The following ADAM23 variants were observed in gnomAD, a reference collection of about 807,000 sequenced individuals.
The protein encoded by ADAM23 is ADAM metallopeptidase domain 23.
ADAM23 carries 33 observed loss-of-function variants against 120.1 expected under a neutral mutation model. The observed-to-expected ratio is 0.27, with a 90% CI of 0.21 to 0.37. The LOEUF (loss-of-function observed/expected upper bound fraction) is 0.37, where lower values mean the gene tolerates loss of function less well. ADAM23 is among the 10% of genes least tolerant of loss of function. ADAM23 has a pLI of 1.00. For missense variants in ADAM23, 862 were observed against 1,058.2 expected (o/e 0.81, Z 2.57); for synonymous variants, 367 against 375.2 (o/e 0.98, Z 0.25).
chr2:206,563,589 C>T (rs1272738984), intron 13 of ADAM23, among the ~76,000 whole-genome samples: 2 of 152,040 alleles, frequency 1.3e-5, no homozygotes, highest in African/African-American at 2.4e-5. Flanking sequence ...AGGTTTATGC[C>T]CTTGTTTAGA....
intron 2 of ADAM23, among the ~76,000 whole-genome samples, chr2:206,460,521 A>G (rs1359484519): frequency 2.0e-5 from 3 of 152,014 alleles, no homozygotes; most frequent in Admixed American, 6.6e-5. Context: ...GGCCATTTTT[A>G]CATTTTATTT....
intron 3 of ADAM23, among the ~76,000 whole-genome samples, chr2:206,483,122 A>T (rs557204388): frequency 6.6e-6 from 1 of 152,334 alleles, no homozygotes; most frequent in South Asian, 2.1e-4. Context: ...GTTCTCAGGA[A>T]GTGCTAAGAG....
rs1490937697 is a variant in ADAM23, at chr2:206,559,960, C to T, written c.1011C>T (p.Tyr337=). ...GTCCTGTTGTATACCCTCAGATTTA[C>T]AAGGAGCAGCTCAACACCAGGGTTG... The part of the protein sequence containing the change: ...KSVVNLVDSI[Y]KEQLNTRVVL... The change falls in exon 11 of 26, where the codon TAC becomes TAT. Residue 337 remains tyrosine, a synonymous_variant. Transcript: ENST00000264377. 6.2e-7 allele frequency: 1 copy of T among 1,612,560 alleles called. No homozygotes were observed. The highest frequency in any genetic ancestry group is 1.7e-5 in the Admixed American group (1 of 59,812).
chr2:206,551,132 T>A (rs938291771), intron 9 of ADAM23, among the ~76,000 whole-genome samples: 13 of 152,222 alleles, frequency 8.5e-5, no homozygotes, highest in African/African-American at 3.1e-4. Flanking sequence ...CAGTAGGCTA[T>A]ATACTAGTAC....
chr2:206,545,576 G>T (rs1174758461), intron 6 of ADAM23, among the ~76,000 whole-genome samples: 1 of 152,162 alleles, frequency 6.6e-6, no homozygotes, highest in East Asian at 1.9e-4. Flanking sequence ...AACTTTTATT[G>T]TCTTGGTTAT....
chr2:206,501,701 A>G (rs1005880259), intron 3 of ADAM23, among the ~76,000 whole-genome samples: 2 of 152,044 alleles, frequency 1.3e-5, no homozygotes, highest in African/African-American at 4.8e-5. Flanking sequence ...CTGAAAAGGG[A>G]TATTTTGAGT....
At chr2:206,499,198 T>G (rs1559235448) in intron 3 of ADAM23, among the ~76,000 whole-genome samples, 2 of 151,842 alleles carry the variant, frequency 1.3e-5, no homozygotes, top group Non-Finnish European at 2.9e-5. Flanking sequence ...CATGCACACG[T>G]ATGTTTATTG....
intron 4 of ADAM23, among the ~76,000 whole-genome samples, chr2:206,537,783 C>G (rs1052323730): frequency 2.6e-5 from 4 of 152,026 alleles, no homozygotes; most frequent in African/African-American, 9.7e-5. Flanking sequence ...AGAATTTTTT[C>G]CCTAGTCTTT....
chr2:206,469,126 A>G (rs967248081), intron 2 of ADAM23, among the ~76,000 whole-genome samples: 4 of 152,202 alleles, frequency 2.6e-5, no homozygotes, highest in Non-Finnish European at 5.9e-5. Context: ...TGAACATGAG[A>G]TTTGGGTGGG....
intron 6 of ADAM23, among the ~76,000 whole-genome samples, chr2:206,544,677 A>C (rs1243263857): frequency 1.4e-5 from 2 of 146,476 alleles, no homozygotes; most frequent in Non-Finnish European, 3.0e-5. Flanking sequence ...CAGTGGCACT[A>C]TCTTGGCTCA....
chr2:206,546,382 G>A (rs755311947), intron 6 of ADAM23, among the ~76,000 whole-genome samples: 4 of 152,060 alleles, frequency 2.6e-5, no homozygotes, highest in Non-Finnish European at 5.9e-5. Flanking sequence ...AGTATGCTTT[G>A]CGATAAGTCA....
chr2:206,487,377 A>G (rs758903064), intron 3 of ADAM23, among the ~76,000 whole-genome samples: 4 of 152,148 alleles, frequency 2.6e-5, no homozygotes, highest in Admixed American at 6.6e-5. Flanking sequence ...TCTCTCTTCA[A>G]AGTCGGCTGA....
At chr2:206,561,263 C>A in intron 12 of ADAM23, 51 bp downstream of exon 12, 1 of 1,487,470 alleles carries the variant, frequency 6.7e-7, no homozygotes, top group African/African-American at 1.4e-5. Flanking sequence ...TCTTTTTTCC[C>A]TATGGCCCAG....
intron 2 of ADAM23, among the ~76,000 whole-genome samples, chr2:206,456,889 C>T (rs1037147271): frequency 2.0e-5 from 3 of 152,156 alleles, no homozygotes; most frequent in African/African-American, 4.8e-5. Context: ...GTTTTAGAAC[C>T]TCCTTTCCCT....
chr2:206,473,883 T>C (rs564335168), intron 2 of ADAM23, among the ~76,000 whole-genome samples: 1 of 151,598 alleles, frequency 6.6e-6, no homozygotes, highest in South Asian at 2.1e-4. Context: ...AGCAGTGGCA[T>C]GTACCTGTGG....
chr2:206,610,572 C>T (rs1698808466), intron 25 of ADAM23, among the ~76,000 whole-genome samples: 1 of 152,166 alleles, frequency 6.6e-6, no homozygotes. Context: ...AAAAATGTGG[C>T]TTTGTGACAC....
At chr2:206,517,003 TAATAAATA>T (rs1260499185) in intron 3 of ADAM23, among the ~76,000 whole-genome samples, 1 of 151,854 alleles carries the variant, frequency 6.6e-6, no homozygotes, top group Non-Finnish European at 1.5e-5. Context: ...GCTAAAATAA[TAATAAATA>T]AATAAATAAA....
At chr2:206,496,049 A>G (rs1696238930) in intron 3 of ADAM23, among the ~76,000 whole-genome samples, 1 of 152,162 alleles carries the variant, frequency 6.6e-6, no homozygotes, top group Non-Finnish European at 1.5e-5. Flanking sequence ...CACAATAATA[A>G]TGGGAGACTT....
rs533049707 is a variant in ADAM23 at position 206,489,032 on chromosome 2, C to T, written c.509+7724C>T. 5.9e-5 allele frequency among the ~76,000 whole-genome samples: 9 copies of T among 152,186 alleles called. No individual in the cohort carries two copies. The East Asian group carries it at 1.2e-3, about 20-fold the overall frequency. Reference sequence around the variant, plus strand: ...TGGCTAAATGTTTTTTTCAGCTCTGCGGATTTGGAGATTGAACTTAAATAT... The same window carrying T: ...TGGCTAAATGTTTTTTTCAGCTCTGTGGATTTGGAGATTGAACTTAAATAT... On this transcript the variant is annotated intron_variant, in intron 3 of 25. Coordinates refer to ENST00000264377, the MANE Select transcript of ADAM23 (RefSeq NM_003812.4).
Sources: gnomAD v4.1 joint callset for allele counts (sites outside exome capture counted in the v4.1 genomes callset) on GRCh38, gnomAD v4.1.1 for gene constraint, MANE v1.5 for transcripts, NCBI Gene and HGNC (gene_info 2026-07-23, HGNC 2026-07-21) for gene names.